Variants in CNTNAP2 observed in about 807,000 individuals in gnomAD.
The protein encoded by CNTNAP2 is contactin-associated protein-like 2.
Under a neutral mutation model 155.2 loss-of-function variants are expected in CNTNAP2, and 98 were observed. The ratio of observed to expected loss-of-function variants is 0.63; its 90% CI spans 0.54 to 0.75. The LOEUF (loss-of-function observed/expected upper bound fraction) is 0.75, where lower values mean the gene tolerates loss of function less well. Among genes scored for constraint, CNTNAP2 ranks in the 30% least tolerant of loss-of-function variants. The pLI, the probability that CNTNAP2 is intolerant of heterozygous loss-of-function variation, is 0.00. For missense variants in CNTNAP2, 1,727 were observed against 1,688.1 expected (o/e 1.02, Z -0.40); for synonymous variants, 651 against 631.2 (o/e 1.03, Z -0.47).
intron 3 of CNTNAP2, among the ~76,000 whole-genome samples, chr7:146,869,853 C>T (rs771076569): frequency 1.3e-5 from 2 of 152,118 alleles, no homozygotes; most frequent in African/African-American, 4.8e-5. Context: ...AATGTGGGTA[C>T]GTCTTCCTCT....
chr7:146,121,745 A>G (rs1032971704), intron 1 of CNTNAP2, among the ~76,000 whole-genome samples: 1 of 152,232 alleles, frequency 6.6e-6, no homozygotes, highest in African/African-American at 2.4e-5. Context: ...AGAGAGACAC[A>G]TATTTTAAGA....
chr7:147,559,916 A>G (rs925959391), intron 11 of CNTNAP2, among the ~76,000 whole-genome samples: 1 of 151,552 alleles, frequency 6.6e-6, no homozygotes, highest in Non-Finnish European at 1.5e-5. Context: ...CACGCCTATA[A>G]TCCCAGCACT....
At chr7:147,928,005 C>T (rs560734444) in intron 14 of CNTNAP2, among the ~76,000 whole-genome samples, 10 of 152,256 alleles carry the variant, frequency 6.6e-5, no homozygotes, top group African/African-American at 2.2e-4. Context: ...GGTGGGAGAT[C>T]ATTGAATTAT....
rs147821584 is a variant in CNTNAP2, at chr7:147,535,699, C to A, written c.1778-26439C>A. 4.4e-3 allele frequency among the ~76,000 whole-genome samples: 668 copies of A among 152,230 alleles called. 10 individuals carry two copies. The highest frequency in any genetic ancestry group is 0.015 in the African/African-American group (625 of 41,532). On this transcript the variant is annotated intron_variant, in intron 11 of 23. Transcript: ENST00000361727. Reference sequence around the variant, plus strand: ...CCTCGGTGTCTCTGTGTAGGACTTTCTCCCCACTCAGGCCAAGCTTCCATC... The same window carrying A: ...CCTCGGTGTCTCTGTGTAGGACTTTATCCCCACTCAGGCCAAGCTTCCATC...
intron 5 of CNTNAP2, among the ~76,000 whole-genome samples, chr7:147,112,347 T>A (rs1800896442): frequency 6.6e-6 from 1 of 152,174 alleles, no homozygotes; most frequent in African/African-American, 2.4e-5. Flanking sequence ...TTCTTCCTAT[T>A]TGAATACCCT....
chr7:146,480,687 CTTTTTTTT>C (rs34440695), intron 1 of CNTNAP2, among the ~76,000 whole-genome samples: 263 of 121,180 alleles, frequency 2.2e-3, no homozygotes, highest in Non-Finnish European at 3.7e-3. Context: ...TTTTTTTTTC[CTTTTTTTT>C]TTTTTTTTTT....
intron 1 of CNTNAP2, among the ~76,000 whole-genome samples, chr7:146,459,764 AGT>A (rs368497973): frequency 9.9e-5 from 15 of 152,166 alleles, no homozygotes; most frequent in African/African-American, 3.6e-4. Context: ...TGAGGTCAGG[AGT>A]TCAAGACCAG....
intron 1 of CNTNAP2, among the ~76,000 whole-genome samples, chr7:146,441,306 G>T (rs1430618428): frequency 6.6e-6 from 1 of 151,162 alleles, no homozygotes; most frequent in Non-Finnish European, 1.5e-5. Context: ...AAAATTTTTT[G>T]GGGGGTTTGT....
chr7:146,223,624 ACAAACATGG>A, intron 1 of CNTNAP2, among the ~76,000 whole-genome samples: 1 of 152,204 alleles, frequency 6.6e-6, no homozygotes, highest in African/African-American at 2.4e-5. Context: ...TTGACTCTAG[ACAAACATGG>A]AGTTACTATC....
At chr7:148,150,988 G>A (rs953736084) in intron 17 of CNTNAP2, among the ~76,000 whole-genome samples, 4 of 152,098 alleles carry the variant, frequency 2.6e-5, no homozygotes, top group Non-Finnish European at 4.4e-5. Context: ...CCAAAGGGCC[G>A]GAATTACAGG....
chr7:147,093,165 C>T (rs991154959), intron 4 of CNTNAP2, among the ~76,000 whole-genome samples: 20 of 144,088 alleles, frequency 1.4e-4, no homozygotes, highest in South Asian at 2.2e-4. Flanking sequence ...GGCGTGAACT[C>T]GGGAGGCGGA....
intron 2 of CNTNAP2, among the ~76,000 whole-genome samples, chr7:146,807,011 G>A (rs887739196): frequency 2.6e-5 from 4 of 152,128 alleles, no homozygotes; most frequent in African/African-American, 9.7e-5. Context: ...ACATAAGACT[G>A]CCCCTTAAAT....
At chr7:147,011,506 A>C (rs1798623825) in intron 3 of CNTNAP2, among the ~76,000 whole-genome samples, 1 of 151,912 alleles carries the variant, frequency 6.6e-6, no homozygotes, top group African/African-American at 2.4e-5. Context: ...AGAGGCATAA[A>C]AACTAAATGT....
At position 147,438,717 on chromosome 7, in the gene CNTNAP2, C is replaced by T. The variant is rs547680777; in HGVS notation, c.1670+42937C>T. 3.3e-5 allele frequency among the ~76,000 whole-genome samples: 5 copies of T among 152,030 alleles called. No homozygotes were observed. In the South Asian group the frequency reaches 1.0e-3, roughly 32 times the overall value. On this transcript the variant is annotated intron_variant, in intron 10 of 23. Coordinates refer to ENST00000361727, the MANE Select transcript of CNTNAP2 (RefSeq NM_014141.6). The stretch of plus-strand genomic sequence containing the variant: ...GAATTCAGCAGTGAAGCCATCAAGT[C>T]CCGGGCTTTTTTTACTGGGAGACTT...
intron 5 of CNTNAP2, among the ~76,000 whole-genome samples, chr7:147,116,817 G>T (rs1226299679): frequency 1.3e-5 from 2 of 152,088 alleles, no homozygotes; most frequent in Non-Finnish European, 2.9e-5. Context: ...ATGGATCAGG[G>T]CTCTGCTTAA....
chr7:147,494,682 C>A (rs1338023413), intron 11 of CNTNAP2, among the ~76,000 whole-genome samples: 1 of 151,936 alleles, frequency 6.6e-6, no homozygotes, highest in Non-Finnish European at 1.5e-5. Flanking sequence ...ATAGAAAACA[C>A]CCATTTTAAC....
intron 1 of CNTNAP2, among the ~76,000 whole-genome samples, chr7:146,653,200 G>A (rs1443306613): frequency 6.6e-6 from 1 of 152,116 alleles, no homozygotes; most frequent in Non-Finnish European, 1.5e-5. Flanking sequence ...TCGAGTCACA[G>A]AGAAAGTAGT....
At chr7:147,709,264 T>G (rs995411066) in intron 13 of CNTNAP2, among the ~76,000 whole-genome samples, 11 of 152,160 alleles carry the variant, frequency 7.2e-5, no homozygotes, top group African/African-American at 2.7e-4. Flanking sequence ...CCCTTTGAGC[T>G]GGTAAAGAAT....
chr7:146,622,279 C>CTATATATA (rs3077441), intron 1 of CNTNAP2, among the ~76,000 whole-genome samples: 1 of 100,550 alleles, frequency 9.9e-6, no homozygotes, highest in South Asian at 2.9e-4. Context: ...ATCTATCTAT[C>CTATATATA]TATATATATA....
Sources: allele counts gnomAD v4.1 joint callset (sites outside exome capture counted in the v4.1 genomes callset), GRCh38; gene constraint gnomAD v4.1.1; transcripts MANE v1.5; gene names NCBI Gene and HGNC (gene_info 2026-07-23, HGNC 2026-07-21).